DCAF8L2: variants seen among roughly 807,000 people sequenced by gnomAD.
The protein encoded by DCAF8L2 is DDB1 and CUL4 associated factor 8 like 2.
For missense variants in DCAF8L2, 430 were observed against 490.7 expected (o/e 0.88, Z 1.17); for synonymous variants, 200 against 190.9 (o/e 1.05, Z -0.39).
the DCAF8L2 span, among the ~76,000 whole-genome samples, chrX:27,538,197 C>T: frequency 9.0e-6 from 1 of 110,909 alleles, no homozygotes; most frequent in African/African-American, 3.3e-5. Flanking sequence ...TCTAGTTTAC[C>T]TATTTGTCAT....
At chrX:27,648,848 T>C (rs1162956178) in intron 2 of DCAF8L2, among the ~76,000 whole-genome samples, 1 of 111,631 alleles carries the variant, frequency 9.0e-6, no homozygotes, top group Non-Finnish European at 1.9e-5. Context: ...CAAATGATTT[T>C]ATTATTTCAT....
intron 1 of DCAF8L2, among the ~76,000 whole-genome samples, chrX:27,596,193 T>A (rs1438697328): frequency 8.9e-6 from 1 of 112,198 alleles, no homozygotes; most frequent in Non-Finnish European, 1.9e-5. Flanking sequence ...TTAATAATGT[T>A]TATTTTGTTG....
chrX:27,747,832 T>G lies in DCAF8L2; in HGVS notation c.937T>G (p.Cys313Gly), dbSNP rs771074246. 1 of 1,208,127 alleles carries G rather than the reference T, an allele frequency of 8.3e-7. No homozygotes were observed. Among genetic ancestry groups the G allele is most frequent in the African/African-American group, 1.7e-5 (1 of 57,305 alleles). Residue 313 changes from cysteine to glycine, a missense_variant, in exon 5 of 5, where the codon TGT becomes GGT. Cys to Gly is a radical substitution (Grantham distance 159). Coordinates refer to ENST00000451261, the MANE Select transcript of DCAF8L2 (RefSeq NM_001353450.2). The stretch of plus-strand genomic sequence containing the variant: ...TGCATCATATTTCAACAATACTAAG[T>G]GTGTGGCCCAGCACAGGGGACCTGC... ...INASYFNNTK[C>G]VAQHRGPAHK...
chrX:27,490,353 A>G, the DCAF8L2 span, among the ~76,000 whole-genome samples: 9 of 112,469 alleles, frequency 8.0e-5, no homozygotes, highest in Admixed American at 2.8e-4. Context: ...AAATAATTCA[A>G]TGGATGTAGG....
At chrX:27,499,108 A>G in the DCAF8L2 span, among the ~76,000 whole-genome samples, 2 of 112,370 alleles carry the variant, frequency 1.8e-5, no homozygotes, top group Non-Finnish European at 3.8e-5. Flanking sequence ...CTGCTGGATC[A>G]TATGGTAGTT....
chrX:27,478,925 T>C, the DCAF8L2 span, among the ~76,000 whole-genome samples: 1 of 111,980 alleles, frequency 8.9e-6, no homozygotes, highest in African/African-American at 3.2e-5. Flanking sequence ...TGATCCTTTC[T>C]CCTGGTATTT....
At chrX:27,612,692 T>C (rs1232478774) in intron 1 of DCAF8L2, among the ~76,000 whole-genome samples, 1 of 112,238 alleles carries the variant, frequency 8.9e-6, no homozygotes, top group Admixed American at 9.5e-5. Flanking sequence ...GCAGCATTTA[T>C]TAAATAGGAA....
At chrX:27,506,333 AAAGAT>A in the DCAF8L2 span, among the ~76,000 whole-genome samples, 2 of 111,887 alleles carry the variant, frequency 1.8e-5, no homozygotes, top group African/African-American at 6.5e-5. Flanking sequence ...TCGTCCATGA[AAAGAT>A]AAGTGTAGAG....
At chrX:27,714,579 G>A (rs2147287945) in intron 3 of DCAF8L2, among the ~76,000 whole-genome samples, 1 of 112,095 alleles carries the variant, frequency 8.9e-6, no homozygotes, top group Non-Finnish European at 1.9e-5. Flanking sequence ...ACACCACTAA[G>A]ATTTAGAAGG....
At chrX:27,481,043 C>T in the DCAF8L2 span, among the ~76,000 whole-genome samples, 2 of 111,488 alleles carry the variant, frequency 1.8e-5, no homozygotes, top group South Asian at 7.5e-4. Context: ...AGAAGAAGTA[C>T]ATAATATGCC....
At chrX:27,561,694 A>C in the DCAF8L2 span, among the ~76,000 whole-genome samples, 1 of 110,395 alleles carries the variant, frequency 9.1e-6, no homozygotes, top group East Asian at 2.9e-4. Context: ...TTGTGACTGG[A>C]TTCTTTCATT....
chrX:27,693,914 G>A (rs773742695), intron 3 of DCAF8L2, among the ~76,000 whole-genome samples: 35 of 111,719 alleles, frequency 3.1e-4, no homozygotes, highest in Non-Finnish European at 1.7e-4. Flanking sequence ...ACACTCATAT[G>A]TTCATCACAG....
the DCAF8L2 span, among the ~76,000 whole-genome samples, chrX:27,530,489 G>A: frequency 4.1e-4 from 46 of 111,137 alleles, 1 homozygote; most frequent in Non-Finnish European, 9.4e-5. Flanking sequence ...ATCAAGAGGA[G>A]CAAGCAGATT....
chrX:27,691,187 G>A (rs1290188988), intron 3 of DCAF8L2, among the ~76,000 whole-genome samples: 3 of 111,440 alleles, frequency 2.7e-5, no homozygotes, highest in Admixed American at 9.6e-5. Context: ...TCATTAACAT[G>A]TGAATCTAAC....
intron 1 of DCAF8L2, among the ~76,000 whole-genome samples, chrX:27,599,429 A>G (rs1030604850): frequency 2.7e-5 from 3 of 111,600 alleles, no homozygotes; most frequent in Non-Finnish European, 5.6e-5. Flanking sequence ...AAGATGAATA[A>G]ATTCTAGAGA....
the DCAF8L2 span, among the ~76,000 whole-genome samples, chrX:27,520,822 A>T: frequency 8.9e-6 from 1 of 112,220 alleles, no homozygotes; most frequent in Non-Finnish European, 1.9e-5. Context: ...CAAGAATTGT[A>T]GGCCATTTTC....
At chrX:27,715,639 A>G (rs1197617082) in intron 3 of DCAF8L2, among the ~76,000 whole-genome samples, 1 of 111,765 alleles carries the variant, frequency 8.9e-6, no homozygotes, top group African/African-American at 3.3e-5. Flanking sequence ...ACCTAGCACA[A>G]TAAGTGTCAG....
chrX:27,561,456 T>C, the DCAF8L2 span, among the ~76,000 whole-genome samples: 1 of 111,810 alleles, frequency 8.9e-6, no homozygotes, highest in South Asian at 3.8e-4. Context: ...TCTTATGTTA[T>C]ATATAATTGA....
intron 2 of DCAF8L2, among the ~76,000 whole-genome samples, chrX:27,669,260 A>G (rs1036794022): frequency 7.2e-5 from 8 of 110,885 alleles, no homozygotes; most frequent in African/African-American, 2.6e-4. Context: ...TTTTAATATT[A>G]TGGAGCTTTC....
Sources: gnomAD v4.1 joint callset for allele counts (sites outside exome capture counted in the v4.1 genomes callset) on GRCh38, gnomAD v4.1.1 for gene constraint, MANE v1.5 for transcripts, NCBI Gene and HGNC (gene_info 2026-07-23, HGNC 2026-07-21) for gene names.